The following RGS6 variants were observed in gnomAD, a reference collection of about 807,000 sequenced individuals.
RGS6 encodes regulator of G protein signaling 6.
In RGS6, 30 loss-of-function variants were observed where a neutral mutation model predicts 78.5. The ratio of observed to expected loss-of-function variants is 0.38; its 90% CI spans 0.29 to 0.52. The LOEUF is 0.52. RGS6 is among the 20% of genes least tolerant of loss of function. The pLI is 0.85. For missense variants in RGS6, 495 were observed against 609.7 expected (o/e 0.81, Z 1.98); for synonymous variants, 206 against 206.0 (o/e 1.00, Z 0.00).
chr14:72,382,165 GC>G (rs2086317225), intron 3 of RGS6, among the ~76,000 whole-genome samples: 4 of 151,964 alleles, frequency 2.6e-5, no homozygotes. Context: ...GTAAAAAGAA[GC>G]CACAATTGGA....
chr14:72,602,566 T>G, the RGS6 span, among the ~76,000 whole-genome samples: 6 of 152,202 alleles, frequency 3.9e-5, no homozygotes, highest in African/African-American at 1.4e-4. Flanking sequence ...CGACTCACAG[T>G]GCGCACCGAG....
intron 3 of RGS6, among the ~76,000 whole-genome samples, chr14:72,453,452 A>G (rs2095546031): frequency 6.8e-6 from 1 of 146,768 alleles, no homozygotes; most frequent in African/African-American, 2.5e-5. Context: ...CGTCTCTACT[A>G]AAAATACAAA....
At chr14:72,402,853 A>G (rs1191186831) in intron 3 of RGS6, among the ~76,000 whole-genome samples, 2 of 134,662 alleles carry the variant, frequency 1.5e-5, no homozygotes, top group African/African-American at 2.9e-5. Context: ...CTAGAGTGCA[A>G]TGGCATGATC....
the RGS6 span, among the ~76,000 whole-genome samples, chr14:71,872,633 T>C: frequency 6.6e-6 from 1 of 152,162 alleles, no homozygotes; most frequent in African/African-American, 2.4e-5. Flanking sequence ...GTTTTTTTTG[T>C]GAATAATTAT....
chr14:72,176,118 C>G (rs2097101828), intron 2 of RGS6, among the ~76,000 whole-genome samples: 1 of 152,158 alleles, frequency 6.6e-6, no homozygotes, highest in Non-Finnish European at 1.5e-5. Flanking sequence ...TGTGATTTTT[C>G]CAGTCCACCC....
intron 2 of RGS6, among the ~76,000 whole-genome samples, chr14:72,350,932 T>TATGATG (rs1025711724): frequency 3.9e-5 from 6 of 152,244 alleles, no homozygotes; most frequent in South Asian, 2.1e-4. Flanking sequence ...TTTAGCTATT[T>TATGATG]ATGATGATGA....
At chr14:72,465,087 T>C (rs1026342920) in intron 6 of RGS6, among the ~76,000 whole-genome samples, 2 of 152,132 alleles carry the variant, frequency 1.3e-5, no homozygotes, top group African/African-American at 2.4e-5. Flanking sequence ...AGAAAGACTT[T>C]CCTCAAAAAG....
chr14:72,132,508 A>G lies in RGS6; in HGVS notation c.84+167633A>G, dbSNP rs2096346221. On this transcript the variant is annotated intron_variant, in intron 2 of 17. Transcript: ENST00000553525. ...TGGCCAGGCCAGTCTCAAACTCCTG[A>G]CCTCAAGTGATCCACCCACCTTGGC... 2.0e-5 allele frequency among the ~76,000 whole-genome samples: 3 copies of G among 152,026 alleles called. No homozygotes were observed. In the South Asian group the frequency reaches 6.2e-4, roughly 32 times the overall value.
At chr14:72,064,050 G>A (rs545616520) in intron 2 of RGS6, among the ~76,000 whole-genome samples, 3 of 151,978 alleles carry the variant, frequency 2.0e-5, no homozygotes, top group African/African-American at 7.2e-5. Flanking sequence ...GAGAGTCTAA[G>A]GATTCTCTCG....
At chr14:72,231,132 G>T (rs916715339) in intron 2 of RGS6, among the ~76,000 whole-genome samples, 2 of 152,142 alleles carry the variant, frequency 1.3e-5, no homozygotes, top group Non-Finnish European at 2.9e-5. Context: ...TCGAGAGAAT[G>T]GTGGACAAAG....
At chr14:72,274,400 T>G (rs538220838) in intron 2 of RGS6, among the ~76,000 whole-genome samples, 15 of 152,180 alleles carry the variant, frequency 9.9e-5, no homozygotes, top group Non-Finnish European at 1.5e-4. Flanking sequence ...GTGACATGAC[T>G]AGGGCAGCTC....
intron 2 of RGS6, among the ~76,000 whole-genome samples, chr14:72,253,937 C>T (rs1362762949): frequency 6.6e-6 from 1 of 152,222 alleles, no homozygotes; most frequent in East Asian, 1.9e-4. Context: ...ACCACCTCTG[C>T]TCACTGCCAT....
chr14:72,373,155 G>A (rs1225544153), intron 3 of RGS6, among the ~76,000 whole-genome samples: 1 of 152,168 alleles, frequency 6.6e-6, no homozygotes, highest in Non-Finnish European at 1.5e-5. Context: ...AAAAAAAATA[G>A]AAGATAAAAT....
intron 2 of RGS6, among the ~76,000 whole-genome samples, chr14:71,974,487 A>G (rs767433304): frequency 1.4e-4 from 21 of 152,246 alleles, no homozygotes; most frequent in African/African-American, 1.9e-4. Flanking sequence ...TCAAATATCC[A>G]TTGAAAGGAA....
At chr14:72,342,331 C>A (rs573873661) in intron 2 of RGS6, among the ~76,000 whole-genome samples, 3 of 151,986 alleles carry the variant, frequency 2.0e-5, no homozygotes, top group African/African-American at 7.2e-5. Context: ...TTTGGGAGGC[C>A]AAGGCAGGCA....
chr14:72,354,205 G>T (rs1266551805), intron 3 of RGS6, among the ~76,000 whole-genome samples: 1 of 152,152 alleles, frequency 6.6e-6, no homozygotes, highest in Non-Finnish European at 1.5e-5. Flanking sequence ...ATAAAGAACA[G>T]AAATTCATGT....
chr14:71,996,156 GT>G (rs5809549), intron 2 of RGS6, among the ~76,000 whole-genome samples: 45 of 145,266 alleles, frequency 3.1e-4, no homozygotes, highest in South Asian at 6.6e-4. Flanking sequence ...TTAGAAGTGT[GT>G]TTTTTTTTTT....
intron 10 of RGS6, among the ~76,000 whole-genome samples, chr14:72,475,075 G>T (rs1339440419): frequency 6.6e-6 from 1 of 152,190 alleles, no homozygotes; most frequent in African/African-American, 2.4e-5. Flanking sequence ...GTGTTCTGAA[G>T]GGTAAGTTGC....
chr14:72,443,764 C>A (rs993158557), intron 3 of RGS6, among the ~76,000 whole-genome samples: 1 of 152,218 alleles, frequency 6.6e-6, no homozygotes. Flanking sequence ...ATCTGTCATG[C>A]TCTCTGGTGG....
Sources: allele counts gnomAD v4.1 joint callset (sites outside exome capture counted in the v4.1 genomes callset), GRCh38; gene constraint gnomAD v4.1.1; transcripts MANE v1.5; gene names NCBI Gene and HGNC (gene_info 2026-07-23, HGNC 2026-07-21).